The following CDH20 variants were observed in gnomAD, a reference collection of about 807,000 sequenced individuals.
CDH20 encodes the protein cadherin 20, also known as cadherin-20.
In CDH20, 29 loss-of-function variants were observed where a neutral mutation model predicts 74.2. That is an observed-to-expected ratio of 0.39 (90% CI 0.29 to 0.53). The LOEUF (loss-of-function observed/expected upper bound fraction) is 0.53. Ranked by LOEUF, CDH20 falls within the 20% of genes least tolerant of loss-of-function variation. The probability of loss-of-function intolerance (pLI) is 0.69; values close to 1 mark genes in which losing one functional copy is unlikely to be tolerated. For synonymous variants in CDH20, 469 were observed against 405.4 expected, an observed-to-expected ratio of 1.16 and a Z score of -1.88; for missense variants, 988 against 1,048.3, an observed-to-expected ratio of 0.94 and a Z score of 0.79.
intron 6 of CDH20, among the ~76,000 whole-genome samples, chr18:61,524,867 G>A (rs1568176619): frequency 6.6e-6 from 1 of 151,994 alleles, no homozygotes; most frequent in Non-Finnish European, 1.5e-5. Flanking sequence ...GTTGCAGTGA[G>A]CCCAGATTAT....
In CDH20 at chr18:61,475,089, C is replaced by T. The variant is rs541008195; in HGVS notation, c.-152-15313C>T. 9.0e-4 allele frequency among the ~76,000 whole-genome samples: 137 copies of T among 151,998 alleles called. 1 individual carries two copies. Among genetic ancestry groups the T allele is most frequent in the African/African-American group, 3.2e-3 (132 of 41,452 alleles). On this transcript the variant is annotated intron_variant, in intron 1 of 11. Coordinates refer to ENST00000262717, the MANE Select transcript of CDH20 (RefSeq NM_031891.4). ...AGAGACGTTTAGCAGGTGAGTGGTC[C>T]GATAAGATCACTCTGGCAGATAACA... is the stretch of plus-strand genomic sequence containing the variant.
At chr18:61,491,637 T>A (rs1427735447) in intron 2 of CDH20, among the ~76,000 whole-genome samples, 1 of 152,202 alleles carries the variant, frequency 6.6e-6, no homozygotes, top group African/African-American at 2.4e-5. Context: ...CGAATGAGAT[T>A]GAGAGAACTG....
At chr18:61,454,509 C>T (rs1040448030) in intron 1 of CDH20, among the ~76,000 whole-genome samples, 30 of 152,276 alleles carry the variant, frequency 2.0e-4, no homozygotes, top group African/African-American at 6.7e-4. Flanking sequence ...ACACACAATG[C>T]ACACTGAAAT....
chr18:61,436,403 T>C (rs1908837397), intron 1 of CDH20, among the ~76,000 whole-genome samples: 1 of 152,196 alleles, frequency 6.6e-6, no homozygotes, highest in South Asian at 2.1e-4. Context: ...CTTCTCCACA[T>C]CCTCACCAAC....
At chr18:61,348,130 T>TTTAGGTCTCAA (rs1189490886) in intron 1 of CDH20, among the ~76,000 whole-genome samples, 1 of 152,198 alleles carries the variant, frequency 6.6e-6, no homozygotes, top group Non-Finnish European at 1.5e-5. Context: ...ACTGGAACAT[T>TTTAGGTCTCAA]TTAGGTCTCA....
intron 1 of CDH20, among the ~76,000 whole-genome samples, chr18:61,461,971 G>T (rs1863809020): frequency 6.6e-6 from 1 of 152,136 alleles, no homozygotes; most frequent in Non-Finnish European, 1.5e-5. Flanking sequence ...GACTTGGCCC[G>T]CATTCAGAGG....
intron 1 of CDH20, among the ~76,000 whole-genome samples, chr18:61,386,256 T>C (rs1253619786): frequency 1.3e-5 from 2 of 152,204 alleles, no homozygotes; most frequent in Non-Finnish European, 2.9e-5. Context: ...GTAAGGATAT[T>C]TGGAGGTGTG....
chr18:61,527,195 C>G (rs1281671251), intron 6 of CDH20, among the ~76,000 whole-genome samples: 1 of 151,974 alleles, frequency 6.6e-6, no homozygotes, highest in Non-Finnish European at 1.5e-5. Context: ...ATAATAGTAA[C>G]AATAAAAGGG....
chr18:61,550,565 A>C (rs993975431), intron 11 of CDH20, among the ~76,000 whole-genome samples: 1 of 152,224 alleles, frequency 6.6e-6, no homozygotes, highest in Non-Finnish European at 1.5e-5. Flanking sequence ...ATAGAATCAA[A>C]ATTACAATTT....
In CDH20 at chr18:61,510,462, CCA is replaced by C. The variant is rs561683275; in HGVS notation, c.1017+2905_1017+2906del. ...AAGCCACTGACAACCTTGACAAAAA[CCA>C]CAGTTATAACATTAAAATGTAACTC... On this transcript the variant is annotated intron_variant, in intron 6 of 11. Coordinates refer to ENST00000262717, the MANE Select transcript of CDH20 (RefSeq NM_031891.4). Among the ~76,000 whole-genome samples the C allele has an allele frequency of 6.6e-5, 10 of 152,320 alleles. No individual in the cohort carries two copies. The East Asian group carries it at 1.9e-3, about 29-fold the overall frequency.
Position 61,472,202 on chromosome 18 carries a change from C to T in CDH20, c.-152-18200C>T, listed in dbSNP as rs1327209777. Among the ~76,000 whole-genome samples, 3 of 152,156 alleles carry T rather than the reference C, an allele frequency of 2.0e-5. No homozygotes were observed. The Middle Eastern group carries it at 0.01, about 518-fold the overall frequency. ...CCCATACATCATTTGCTGCTAATCA[C>T]CTAACTTAAGAGATGCCTTTTGTTC... On this transcript the variant is annotated intron_variant, in intron 1 of 11. Coordinates refer to ENST00000262717, the MANE Select transcript of CDH20 (RefSeq NM_031891.4).
chr18:61,351,509 A>C (rs1910304838), intron 1 of CDH20, among the ~76,000 whole-genome samples: 1 of 152,188 alleles, frequency 6.6e-6, no homozygotes, highest in Non-Finnish European at 1.5e-5. Flanking sequence ...TCAATATAAA[A>C]CATTTTGTAC....
At chr18:61,449,114 T>G (rs1388812170) in intron 1 of CDH20, among the ~76,000 whole-genome samples, 1 of 152,168 alleles carries the variant, frequency 6.6e-6, no homozygotes, top group Non-Finnish European at 1.5e-5. Context: ...CTCATTAAAG[T>G]CAAACGTGAG....
chr18:61,513,321 C>A (rs1490016337), intron 6 of CDH20, among the ~76,000 whole-genome samples: 1 of 113,266 alleles, frequency 8.8e-6, no homozygotes, highest in African/African-American at 3.4e-5. Context: ...AGGATTGCAA[C>A]CCCTGCCTTT....
At chr18:61,351,509 A>G (rs1910304838) in intron 1 of CDH20, among the ~76,000 whole-genome samples, 1 of 152,306 alleles carries the variant, frequency 6.6e-6, no homozygotes. Context: ...TCAATATAAA[A>G]CATTTTGTAC....
At chr18:61,477,164 G>A (rs1910417750) in intron 1 of CDH20, among the ~76,000 whole-genome samples, 1 of 152,206 alleles carries the variant, frequency 6.6e-6, no homozygotes, top group Non-Finnish European at 1.5e-5. Context: ...TGCTGCTGCA[G>A]TCTCTAGGTC....
intron 2 of CDH20, among the ~76,000 whole-genome samples, chr18:61,495,777 C>A (rs1911118130): frequency 6.6e-6 from 1 of 152,184 alleles, no homozygotes; most frequent in Non-Finnish European, 1.5e-5. Flanking sequence ...TCTCTGATGC[C>A]TCGGGGCTTC....
At chr18:61,333,863 G>A (rs973125567) in intron 1 of CDH20, 36 bp downstream of exon 1, 1 of 152,270 alleles carries the variant, frequency 6.6e-6, no homozygotes, top group African/African-American at 2.4e-5. Flanking sequence ...CCCGCTTCTG[G>A]GGCTTGGGAC....
chr18:61,351,641 TA>T (rs201829009), intron 1 of CDH20, among the ~76,000 whole-genome samples: 22,779 of 144,368 alleles, frequency 0.16, 2,027 homozygotes, highest in East Asian at 0.34. Flanking sequence ...AAAGTCTAAT[TA>T]AAAAAAAAAA....
Sources: gnomAD v4.1 joint callset for allele counts (sites outside exome capture counted in the v4.1 genomes callset) on GRCh38, gnomAD v4.1.1 for gene constraint, MANE v1.5 for transcripts, NCBI Gene and HGNC (gene_info 2026-07-23, HGNC 2026-07-21) for gene names.